Variants in BRMS1L observed in about 807,000 individuals in gnomAD.
The protein encoded by BRMS1L is breast cancer metastasis-suppressor 1-like protein.
Under a neutral mutation model 50.3 loss-of-function variants are expected in BRMS1L, and 23 were observed. The ratio of observed to expected loss-of-function variants is 0.46; its 90% CI spans 0.33 to 0.65. The LOEUF (loss-of-function observed/expected upper bound fraction) is 0.65. BRMS1L is among the 30% of genes least tolerant of loss of function. The pLI is 0.02. For missense variants in BRMS1L, 286 were observed against 386.1 expected, an observed-to-expected ratio of 0.74 and a Z score of 2.17; for synonymous variants, 114 against 126.9, an observed-to-expected ratio of 0.90 and a Z score of 0.69.
At chr14:35,833,819 A>C (rs909773676) in intron 3 of BRMS1L, among the ~76,000 whole-genome samples, 2 of 152,168 alleles carry the variant, frequency 1.3e-5, no homozygotes. Context: ...TACCTGTTAG[A>C]TAATACCTAA....
intron 8 of BRMS1L, chr14:35,866,049 TA>T (rs1455765131): frequency 3.4e-6 from 1 of 293,718 alleles, no homozygotes; most frequent in Non-Finnish European, 6.2e-6. Flanking sequence ...TGTCATTCTA[TA>T]GGGGAGGTAT....
intron 4 of BRMS1L, among the ~76,000 whole-genome samples, chr14:35,848,848 A>G (rs1377859902): frequency 1.3e-5 from 2 of 152,096 alleles, no homozygotes; most frequent in African/African-American, 4.8e-5. Context: ...TTCTTTATCC[A>G]TTCATCCATT....
At chr14:35,856,658 G>C (rs1169020) in intron 4 of BRMS1L, among the ~76,000 whole-genome samples, 146,274 of 151,804 alleles carry the variant, frequency 0.96, 70,511 homozygotes, top group East Asian at 1. Flanking sequence ...GTCACCCCGG[G>C]TGGAGTGTAG....
intron 4 of BRMS1L, among the ~76,000 whole-genome samples, chr14:35,849,451 C>T (rs1197439074): frequency 6.6e-6 from 1 of 151,548 alleles, no homozygotes; most frequent in Admixed American, 6.6e-5. Context: ...CCATACCTGG[C>T]TAGTTTTATT....
At chr14:35,826,818 C>T (rs1252479811) in intron 1 of BRMS1L, 160 bp downstream of exon 1, 1 of 1,056,574 alleles carries the variant, frequency 9.5e-7, no homozygotes, top group Non-Finnish European at 1.3e-6. Context: ...TGACCGGTCG[C>T]TGGGCGCTGT....
At chr14:35,856,088 A>C (rs1224129981) in intron 4 of BRMS1L, among the ~76,000 whole-genome samples, 2 of 152,196 alleles carry the variant, frequency 1.3e-5, no homozygotes, top group African/African-American at 4.8e-5. Context: ...AGGGAAGCGG[A>C]AAGAAGGAAG....
intron 4 of BRMS1L, among the ~76,000 whole-genome samples, chr14:35,838,061 C>A (rs1486599073): frequency 1.3e-5 from 2 of 152,018 alleles, no homozygotes; most frequent in African/African-American, 4.8e-5. Flanking sequence ...GTGTGATGTT[C>A]CCCTCCCCGT....
At chr14:35,852,947 T>G (rs61989613) in intron 4 of BRMS1L, among the ~76,000 whole-genome samples, 9 of 151,912 alleles carry the variant, frequency 5.9e-5, no homozygotes, top group Non-Finnish European at 8.8e-5. Flanking sequence ...AAAAAAAATT[T>G]CTAATATCAC....
chr14:35,834,904 C>A lies in BRMS1L; in HGVS notation c.422C>A (p.Ala141Asp). 6.3e-7 allele frequency: 1 copy of A among 1,594,988 alleles called. No individual in the cohort carries two copies. Among genetic ancestry groups the A allele is most frequent in the Non-Finnish European group, 8.5e-7 (1 of 1,171,192 alleles). The stretch of plus-strand genomic sequence containing the variant: ...AACAAATATGAATGTGAAATTCAAG[C>A]TTCTCGCCAGCATTGTGAGGTACTG... ...VKNKYECEIQ[A>D]SRQHCESEKL... is the part of the protein sequence containing the mutation. The change falls in exon 4 of 10, where the codon GCT becomes GAT. Residue 141 changes from alanine to aspartate, a missense_variant. Ala to Asp is a moderately radical substitution (Grantham distance 126). Around this residue, in one of 5 missense-constraint regions of BRMS1L, gnomAD observed 160 missense variants for 240.6 expected, o/e 0.66. Coordinates refer to ENST00000216807, the MANE Select transcript of BRMS1L (RefSeq NM_032352.4).
At chr14:35,835,914 C>A (rs1018844958) in intron 4 of BRMS1L, among the ~76,000 whole-genome samples, 1 of 152,108 alleles carries the variant, frequency 6.6e-6, no homozygotes, top group Non-Finnish European at 1.5e-5. Flanking sequence ...AACTTTTTAT[C>A]AAATCTAGAC....
intron 6 of BRMS1L, 39 bp downstream of exon 6, chr14:35,863,992 G>A: frequency 6.5e-7 from 1 of 1,544,778 alleles, no homozygotes; most frequent in Non-Finnish European, 8.9e-7. Context: ...TTTCCTTGAT[G>A]TGCGTTTTTC....
intron 1 of BRMS1L, among the ~76,000 whole-genome samples, chr14:35,830,736 A>G (rs1392144689): frequency 1.3e-5 from 2 of 152,142 alleles, no homozygotes; most frequent in African/African-American, 2.4e-5. Context: ...GTTTTTGAGC[A>G]ATGTTAGCCT....
At chr14:35,842,562 G>A (rs2078080541) in intron 4 of BRMS1L, among the ~76,000 whole-genome samples, 1 of 152,182 alleles carries the variant, frequency 6.6e-6, no homozygotes, top group South Asian at 2.1e-4. Flanking sequence ...AGTCTGATGG[G>A]CTTCCCTTTG....
At chr14:35,845,072 G>A (rs944925885) in intron 4 of BRMS1L, among the ~76,000 whole-genome samples, 4 of 151,996 alleles carry the variant, frequency 2.6e-5, no homozygotes, top group Non-Finnish European at 5.9e-5. Context: ...TTGTAGAGAT[G>A]GGATCTCACA....
At chr14:35,835,111 A>G (rs1014574702) in intron 4 of BRMS1L, among the ~76,000 whole-genome samples, 188 bp downstream of exon 4, 1 of 152,176 alleles carries the variant, frequency 6.6e-6, no homozygotes, top group Non-Finnish European at 1.5e-5. Flanking sequence ...ACACAAAGAA[A>G]GGACCATAGA....
chr14:35,843,571 G>T (rs2078093923), intron 4 of BRMS1L, among the ~76,000 whole-genome samples: 1 of 152,212 alleles, frequency 6.6e-6, no homozygotes, highest in African/African-American at 2.4e-5. Flanking sequence ...TCCCAGAGGG[G>T]CACCTGCCAG....
chr14:35,847,160 G>C (rs1395687208), intron 4 of BRMS1L, among the ~76,000 whole-genome samples: 1 of 151,912 alleles, frequency 6.6e-6, no homozygotes, highest in Non-Finnish European at 1.5e-5. Flanking sequence ...TTATTTTTTT[G>C]TAGAGATGGG....
chr14:35,864,165 A>G (rs2078390348), intron 6 of BRMS1L, among the ~76,000 whole-genome samples: 1 of 152,198 alleles, frequency 6.6e-6, no homozygotes, highest in African/African-American at 2.4e-5. Context: ...TTCAATCATG[A>G]TCTCAACTTT....
At chr14:35,860,641 GA>G (rs1228214078) in intron 4 of BRMS1L, among the ~76,000 whole-genome samples, 18 of 151,636 alleles carry the variant, frequency 1.2e-4, no homozygotes, top group Middle Eastern at 3.4e-3. Context: ...AATAGCCTAT[GA>G]AAATCTTCCA....
Sources: allele counts gnomAD v4.1 joint callset (sites outside exome capture counted in the v4.1 genomes callset), GRCh38; gene constraint gnomAD v4.1.1; regional missense constraint gnomAD v4.1.1; transcripts MANE v1.5; gene names NCBI Gene and HGNC (gene_info 2026-07-23, HGNC 2026-07-21).